NFIA: variants seen among roughly 807,000 people sequenced by gnomAD.
NFIA encodes nuclear factor 1 A-type.
In NFIA, 8 loss-of-function variants were observed where a neutral mutation model predicts 62.8. The ratio of observed to expected loss-of-function variants is 0.13; its 90% CI spans 0.07 to 0.23. The LOEUF (loss-of-function observed/expected upper bound fraction) is 0.23, where lower values mean the gene tolerates loss of function less well. Among genes scored for constraint, NFIA ranks in the 10% least tolerant of loss-of-function variants. NFIA has a pLI of 1.00. For synonymous variants in NFIA, 235 were observed against 238.1 expected (o/e 0.99, Z 0.12); for missense variants, 410 against 642.1 (o/e 0.64, Z 3.91).
intron 2 of NFIA, among the ~76,000 whole-genome samples, chr1:61,171,720 T>G (rs192039951): frequency 9.2e-5 from 14 of 152,180 alleles, no homozygotes; most frequent in African/African-American, 3.4e-4. Flanking sequence ...TGGGTGTGGA[T>G]GTGATGGTGT....
intron 6 of NFIA, among the ~76,000 whole-genome samples, chr1:61,369,619 T>C (rs913099740): frequency 1.4e-4 from 22 of 152,280 alleles, no homozygotes; most frequent in Non-Finnish European, 2.6e-4. Context: ...GTAGCTATTT[T>C]ATAGACTCAA....
chr1:61,402,947 T>C (rs72915704), intron 7 of NFIA, among the ~76,000 whole-genome samples: 1,633 of 152,284 alleles, frequency 0.011, 34 homozygotes, highest in African/African-American at 0.037. Context: ...CTAATACAGA[T>C]GCATTCTTTT....
chr1:61,136,873 A>G (rs1332120943), intron 2 of NFIA, among the ~76,000 whole-genome samples: 1 of 152,198 alleles, frequency 6.6e-6, no homozygotes, highest in Non-Finnish European at 1.5e-5. Context: ...AATGAGATAA[A>G]TAATTCTATT....
At chr1:61,104,340 T>TA (rs1272329756) in intron 2 of NFIA, among the ~76,000 whole-genome samples, 2 of 152,076 alleles carry the variant, frequency 1.3e-5, no homozygotes, top group Non-Finnish European at 2.9e-5. Flanking sequence ...TTGGCATGGT[T>TA]ACTTAATCCT....
chr1:61,078,123 T>A (rs557952488), upstream of NFIA, among the ~76,000 whole-genome samples: 5 of 152,200 alleles, frequency 3.3e-5, no homozygotes, highest in South Asian at 1.0e-3. Flanking sequence ...TGTACAATAG[T>A]TCTCAATAGC....
At chr1:61,388,520 C>T (rs946125911) in intron 7 of NFIA, among the ~76,000 whole-genome samples, 2 of 152,172 alleles carry the variant, frequency 1.3e-5, no homozygotes, top group African/African-American at 4.8e-5. Context: ...CTTCTTGAAA[C>T]TTATCTTTTT....
At chr1:61,255,507 C>T (rs948412853) in intron 2 of NFIA, among the ~76,000 whole-genome samples, 1 of 152,174 alleles carries the variant, frequency 6.6e-6, no homozygotes, top group Admixed American at 6.5e-5. Context: ...GAGGAAACCA[C>T]ATGTGTAATA....
At chr1:61,325,681 G>A (rs1424398581) in intron 3 of NFIA, among the ~76,000 whole-genome samples, 1 of 152,188 alleles carries the variant, frequency 6.6e-6, no homozygotes, top group Admixed American at 6.5e-5. Context: ...CACTTTGGGA[G>A]GCCAAGGCAG....
intron 7 of NFIA, among the ~76,000 whole-genome samples, chr1:61,385,485 T>A (rs1664634070): frequency 1.3e-5 from 2 of 152,282 alleles, no homozygotes; most frequent in South Asian, 4.2e-4. Flanking sequence ...GACCATTTCC[T>A]CCCAATCTTG....
At chr1:61,316,103 GTTTATA>G (rs1660353222) in intron 3 of NFIA, among the ~76,000 whole-genome samples, 1 of 152,248 alleles carries the variant, frequency 6.6e-6, no homozygotes, top group East Asian at 1.9e-4. Flanking sequence ...AAATTGTCGA[GTTTATA>G]TTTATAGACC....
chr1:61,226,078 A>G (rs937063361), intron 2 of NFIA, among the ~76,000 whole-genome samples: 2 of 152,198 alleles, frequency 1.3e-5, no homozygotes, highest in African/African-American at 2.4e-5. Context: ...TACAACAAAC[A>G]TGTGTAACAG....
At chr1:61,259,318 T>C (rs1197706940) in intron 2 of NFIA, among the ~76,000 whole-genome samples, 2 of 152,208 alleles carry the variant, frequency 1.3e-5, no homozygotes, top group African/African-American at 2.4e-5. Flanking sequence ...ATCTCTGAGA[T>C]AGATTTCTAC....
At chr1:61,438,075 G>T (rs987425545) in intron 10 of NFIA, among the ~76,000 whole-genome samples, 1 of 152,138 alleles carries the variant, frequency 6.6e-6, no homozygotes, top group South Asian at 2.1e-4. Flanking sequence ...GGCAATAGTA[G>T]CATTGAGACC....
At chr1:61,414,827 A>C (rs1320958738) in intron 9 of NFIA, among the ~76,000 whole-genome samples, 5 of 152,052 alleles carry the variant, frequency 3.3e-5, no homozygotes, top group Non-Finnish European at 7.4e-5. Context: ...TCTTTTTCTT[A>C]ATTTTAAAAT....
intron 2 of NFIA, among the ~76,000 whole-genome samples, chr1:61,219,713 CA>C (rs749092216): frequency 1.1e-3 from 123 of 107,764 alleles, no homozygotes; most frequent in Non-Finnish European, 1.3e-3. Flanking sequence ...GACTCCGTCT[CA>C]AAAAAAAAAA....
chr1:61,364,521 A>G lies in NFIA; in HGVS notation c.946+5247A>G, dbSNP rs1332676589. The stretch of plus-strand genomic sequence containing the variant: ...ATTTGTAGGCTTTCAGTCAAATCCA[A>G]TTACTAGCAAGTCGTAAGCAGAACA... On this transcript the variant is annotated intron_variant, in intron 6 of 10. Coordinates refer to ENST00000403491, the MANE Select transcript of NFIA (RefSeq NM_001134673.4). 5.3e-5 allele frequency among the ~76,000 whole-genome samples: 8 copies of G among 152,340 alleles called. No homozygotes were observed. The East Asian group carries it at 1.5e-3, about 29-fold the overall frequency.
In NFIA at chr1:61,406,552, C is replaced by CA. The variant is rs780565809; in HGVS notation, c.1255-10_1255-9insA. The CA allele has an allele frequency of 2.2e-5, 27 of 1,250,752 alleles. 1 individual carries two copies. The highest frequency in any genetic ancestry group is 3.4e-5 in the East Asian group (1 of 29,068). 77.5% of individuals were successfully genotyped at this position (1,250,752 alleles called of 1,614,324 possible). A position where few individuals can be genotyped will look rare whatever the true frequency, so the allele number is the denominator to read the frequency against. ...TGTACGTGTGTTTTCTGCCCCCCCC[C>CA]CCCCCACAGCCCAATGGGAGCAGCC... On this transcript the variant is annotated splice_polypyrimidine_tract_variant and intron_variant, in intron 8 of 10. Coordinates refer to ENST00000403491, the MANE Select transcript of NFIA (RefSeq NM_001134673.4).
chr1:61,262,946 G>T (rs780787778), intron 2 of NFIA, among the ~76,000 whole-genome samples: 7 of 151,986 alleles, frequency 4.6e-5, no homozygotes, highest in African/African-American at 1.7e-4. Flanking sequence ...ACACCTTGCC[G>T]CATATTGTTT....
intron 2 of NFIA, among the ~76,000 whole-genome samples, chr1:61,094,690 A>C (rs998673049): frequency 6.6e-6 from 1 of 152,182 alleles, no homozygotes; most frequent in African/African-American, 2.4e-5. Flanking sequence ...TATTGATCCA[A>C]ACTTTTGGGT....
Sources: gnomAD v4.1 joint callset for allele counts (sites outside exome capture counted in the v4.1 genomes callset) on GRCh38, gnomAD v4.1.1 for gene constraint, MANE v1.5 for transcripts, NCBI Gene and HGNC (gene_info 2026-07-23, HGNC 2026-07-21) for gene names.